The following INTS2 variants were observed in gnomAD, a reference collection of about 807,000 sequenced individuals.
The protein encoded by INTS2 is integrator complex subunit 2.
A neutral mutation model predicts 139.6 loss-of-function variants in INTS2; 57 were observed. The ratio of observed to expected loss-of-function variants is 0.41; its 90% CI spans 0.33 to 0.51. The LOEUF is 0.51. INTS2 is among the 20% of genes least tolerant of loss of function. The pLI is 0.28. For synonymous variants in INTS2, 473 were observed against 493.4 expected, an observed-to-expected ratio of 0.96 and a Z score of 0.55; for missense variants, 1,196 against 1,436.7, an observed-to-expected ratio of 0.83 and a Z score of 2.71.
rs1449837019 is a variant in INTS2, at chr17:61,897,151, AT to A, written c.1494+317del. On this transcript the variant is annotated intron_variant, in intron 11 of 24. Coordinates refer to ENST00000251334, the MANE Select transcript of INTS2 (RefSeq NM_001351695.2). The surrounding 1 kb of genome is among the most constrained non-coding windows in gnomAD (Gnocchi z 4.4). The stretch of plus-strand genomic sequence containing the variant: ...ATGAGTAAATGCTCATCATATATTA[AT>A]TTTTTTAAATCATCAAATATGTACG... Among the ~76,000 whole-genome samples the A allele has an allele frequency of 1.3e-5, 2 of 151,874 alleles. No individual in the cohort carries two copies. Among genetic ancestry groups the A allele is most frequent in the Admixed American group, 6.6e-5 (1 of 15,266 alleles).
Position 61,868,016 on chromosome 17 carries a change from GA to G in INTS2, c.3245-8del, listed in dbSNP as rs1567885242. 4.5e-6 allele frequency: 7 copies of G among 1,548,212 alleles called. No individual in the cohort carries two copies. The highest frequency in any genetic ancestry group is 6.1e-6 in the Non-Finnish European group (7 of 1,153,042). ...CGCTTAGCCTGTGTTAAAACTGTTG[GA>G]AAAAAATGAAACAATATTTTAGTTT... On this transcript the variant is annotated splice_region_variant and splice_polypyrimidine_tract_variant and intron_variant, in intron 23 of 24. Transcript: ENST00000251334. This position sits in a 1 kb window ranked among gnomAD's most constrained non-coding sequence, Gnocchi z 4.7.
chr17:61,913,231 G>A (rs2079545761), intron 5 of INTS2, among the ~76,000 whole-genome samples: 1 of 151,460 alleles, frequency 6.6e-6, no homozygotes, highest in African/African-American at 2.4e-5. Context: ...CCAGCTACCC[G>A]GGAGGCTGAG....
chr17:61,904,447 TATAG>T lies in INTS2; in HGVS notation c.1307+9_1307+12del, dbSNP rs1397170808. The T allele has an allele frequency of 2.5e-6, 4 of 1,571,610 alleles. No individual in the cohort carries two copies. In the African/African-American group the frequency reaches 5.5e-5, roughly 21 times the overall value. On this transcript the variant is annotated intron_variant, in intron 9 of 24. Coordinates refer to ENST00000251334, the MANE Select transcript of INTS2 (RefSeq NM_001351695.2). ...AACCTTGAGAAAATGGAGCAACTTA[TATAG>T]TTAGGTACCTGACAAGTGTAGAAAA...
At chr17:61,907,309 A>C in intron 8 of INTS2, 99 bp downstream of exon 8, 1 of 978,628 alleles carries the variant, frequency 1.0e-6, no homozygotes, top group Non-Finnish European at 1.5e-6. Context: ...CCAACAGAAA[A>C]CTTTAATCCT....
chr17:61,924,612 A>G (rs1487232124), intron 3 of INTS2, among the ~76,000 whole-genome samples: 1 of 152,154 alleles, frequency 6.6e-6, no homozygotes, highest in Non-Finnish European at 1.5e-5. Context: ...TGAGTTCAGG[A>G]GTTCGAGACC....
rs1351051155 is a variant in INTS2, at chr17:61,897,992, G to A, written c.1308-253C>T. Among the ~76,000 whole-genome samples the A allele has an allele frequency of 3.3e-5, 5 of 152,090 alleles. No homozygotes were observed. The highest frequency in any genetic ancestry group is 3.3e-4 in the Admixed American group (5 of 15,252). ...AAAGTCTTAGTTACTGCCTTCACAG[G>A]TTGGAAAGAGTAAGATTCTTCACAT... On this transcript the variant is annotated intron_variant, in intron 9 of 24. Transcript: ENST00000251334. The surrounding 1 kb of genome is among the most constrained non-coding windows in gnomAD (Gnocchi z 4.4).
intron 9 of INTS2, among the ~76,000 whole-genome samples, chr17:61,899,330 AACCTCC>A (rs1365495316): frequency 6.6e-6 from 1 of 151,986 alleles, no homozygotes; most frequent in Non-Finnish European, 1.5e-5. Flanking sequence ...GGCTCACTGC[AACCTCC>A]ACCTCCCGGA....
intron 17 of INTS2, 84 bp from the exon 18 acceptor site, chr17:61,878,172 C>A: frequency 1.3e-6 from 1 of 786,468 alleles, no homozygotes; most frequent in South Asian, 1.6e-5. Context: ...AGACTATAGA[C>A]CAAACAAATC....
At chr17:61,917,745 C>T (rs1211145432) in intron 5 of INTS2, among the ~76,000 whole-genome samples, 1 of 152,090 alleles carries the variant, frequency 6.6e-6, no homozygotes, top group Non-Finnish European at 1.5e-5. Context: ...ACCCATGTAA[C>T]AAACCTGCAC....
Position 61,907,754 on chromosome 17 carries a change from G to C in INTS2, c.955-120C>G, listed in dbSNP as rs772446016. 2.5e-4 allele frequency: 176 copies of C among 709,268 alleles called. 1 individual carries two copies. Among genetic ancestry groups the C allele is most frequent in the Non-Finnish European group, 3.6e-4 (156 of 428,210 alleles). 43.9% of individuals were successfully genotyped at this position (709,268 alleles called of 1,614,324 possible). On this transcript the variant is annotated intron_variant, in intron 7 of 24. Transcript: ENST00000251334. ...AATTGGCCTATTTGAAGAGATTGTC[G>C]TGACTACAGAATCTCATTTTAACCA...
At chr17:61,902,029 A>G (rs977077526) in intron 9 of INTS2, among the ~76,000 whole-genome samples, 4 of 152,152 alleles carry the variant, frequency 2.6e-5, no homozygotes, top group African/African-American at 9.7e-5. Flanking sequence ...GTTGGAAATA[A>G]TTTCCTTTCA....
chr17:61,900,365 A>G (rs2079392176), intron 9 of INTS2, among the ~76,000 whole-genome samples: 2 of 152,268 alleles, frequency 1.3e-5, no homozygotes, highest in African/African-American at 4.8e-5. Context: ...CCCTCAGCAG[A>G]GAGAAGACTG....
rs1397198842 is a variant in INTS2, at chr17:61,927,686, C to T, written c.-51G>A. The T allele has an allele frequency of 7.0e-7, 1 of 1,435,500 alleles. No individual in the cohort carries two copies. Among genetic ancestry groups the T allele is most frequent in the Non-Finnish European group, 9.1e-7 (1 of 1,098,594 alleles). 88.9% of individuals were successfully genotyped at this position (1,435,500 alleles called of 1,614,324 possible). ...TCTACCCTCCAGCCTCACGGAACCG[C>T]ACACGGACTCCGCGTCCTAGAGGCG... On this transcript the variant is annotated 5_prime_UTR_variant, in exon 1 of 25. Transcript: ENST00000251334.
chr17:61,869,985 T>C lies in INTS2; in HGVS notation c.2782A>G (p.Ser928Gly). ...TCTAAGAGAATCTGGACAGCTGCAC[T>C]ATCCTATAAGCAAACAAAACATAGA... ...LKNALLAAQDSAAVQILLEIC... is the reference protein window; with the variant it reads ...LKNALLAAQDGAAVQILLEIC... The change falls in exon 21 of 25, where the codon AGT becomes GGT. Residue 928 changes from serine to glycine, a missense_variant. Transcript: ENST00000251334. This position sits in a 1 kb window ranked among gnomAD's most constrained non-coding sequence, Gnocchi z 5.4. 2.5e-6 allele frequency: 4 copies of C among 1,612,740 alleles called. No homozygotes were observed. Among genetic ancestry groups the C allele is most frequent in the Non-Finnish European group, 3.4e-6 (4 of 1,179,430 alleles).
intron 3 of INTS2, among the ~76,000 whole-genome samples, chr17:61,922,246 G>T (rs964532691): frequency 6.6e-6 from 1 of 151,988 alleles, no homozygotes; most frequent in African/African-American, 2.4e-5. Flanking sequence ...CAAGATGGGT[G>T]GATCAACTGA....
At chr17:61,895,813 T>G (rs567497896) in intron 11 of INTS2, among the ~76,000 whole-genome samples, 1 of 150,678 alleles carries the variant, frequency 6.6e-6, no homozygotes, top group South Asian at 2.1e-4. Context: ...CAAAAGAAAC[T>G]CCAAGTAGAT....
intron 14 of INTS2, among the ~76,000 whole-genome samples, chr17:61,890,441 C>T (rs188704122): frequency 2.6e-5 from 4 of 151,306 alleles, no homozygotes; most frequent in Admixed American, 1.3e-4. Flanking sequence ...AAAACCCTGT[C>T]TCTACTAAAA....
intron 5 of INTS2, among the ~76,000 whole-genome samples, chr17:61,914,321 T>C (rs902715523): frequency 9.2e-5 from 14 of 151,916 alleles, no homozygotes; most frequent in Non-Finnish European, 1.3e-4. Context: ...CTTTGGGAGA[T>C]TGAGGCAAGC....
intron 12 of INTS2, among the ~76,000 whole-genome samples, chr17:61,894,839 T>TTAA (rs1555623327): frequency 7.1e-6 from 1 of 140,742 alleles, no homozygotes; most frequent in African/African-American, 2.6e-5. Flanking sequence ...CAAAGTGAGA[T>TTAA]AAAAAAAAAA....
Sources: allele counts gnomAD v4.1 joint callset (sites outside exome capture counted in the v4.1 genomes callset), GRCh38; gene constraint gnomAD v4.1.1; non-coding constraint Gnocchi (gnomAD v3.1); transcripts MANE v1.5; gene names NCBI Gene and HGNC (gene_info 2026-07-23, HGNC 2026-07-21).